ARHGEF11: variants seen among roughly 807,000 people sequenced by gnomAD.
The protein encoded by ARHGEF11 is Rho guanine nucleotide exchange factor 11, also known as Rho guanine exchange factor (GEF) 11.
A neutral mutation model predicts 193.7 loss-of-function variants in ARHGEF11; 55 were observed. The ratio of observed to expected loss-of-function variants is 0.28; its 90% CI spans 0.23 to 0.36. The LOEUF (loss-of-function observed/expected upper bound fraction) is 0.36. Ranked by LOEUF, ARHGEF11 falls within the 10% of genes least tolerant of loss-of-function variation. The pLI, the probability that ARHGEF11 is intolerant of heterozygous loss-of-function variation, is 1.00. For missense variants in ARHGEF11, 1,723 were observed against 2,005.6 expected (o/e 0.86, Z 2.69); for synonymous variants, 693 against 768.0 (o/e 0.90, Z 1.62).
chr1:156,984,003 A>T (rs953505540), intron 3 of ARHGEF11, among the ~76,000 whole-genome samples: 1 of 152,236 alleles, frequency 6.6e-6, no homozygotes, highest in African/African-American at 2.4e-5. Flanking sequence ...GTGGAGGTAA[A>T]TATGAAGAAA....
Position 156,940,122 on chromosome 1 carries a change from A to T in ARHGEF11, c.3733+85T>A, listed in dbSNP as rs909585483. On this transcript the variant is annotated intron_variant, in intron 36 of 40. Transcript: ENST00000368194. ...AGCACACCAGGAAGAGCCTTCGGGA[A>T]GGTGGAGGGTGCAGGCGCCTGCCAG... is the stretch of plus-strand genomic sequence containing the variant. 9 of 1,451,954 alleles carry T rather than the reference A, an allele frequency of 6.2e-6. No individual in the cohort carries two copies. In the African/African-American group the frequency reaches 8.6e-5, roughly 14 times the overall value. 89.9% of individuals were successfully genotyped at this position (1,451,954 alleles called of 1,614,324 possible).
Position 156,939,625 on chromosome 1 carries a change from G to T in ARHGEF11, c.4019C>A (p.Ser1340Tyr). The T allele has an allele frequency of 6.2e-7, 1 of 1,613,710 alleles. No homozygotes were observed. ...AGCCAGATTCCTGTCCAGTTCTGGA[G>T]ACTCCCATATCCCAGAATTTCTGGT... ...PRTRNSGIWE[S>Y]PELDRNLAED... is the part of the protein sequence containing the mutation. The change falls in exon 37 of 41, where the codon TCT becomes TAT. Residue 1340 changes from serine to tyrosine, a missense_variant. Around this residue, in one of 5 missense-constraint regions of ARHGEF11, gnomAD observed 360 missense variants for 344.4 expected, o/e 1.05. Coordinates refer to ENST00000368194, the MANE Select transcript of ARHGEF11 (RefSeq NM_198236.3).
intron 3 of ARHGEF11, among the ~76,000 whole-genome samples, chr1:156,981,912 T>C (rs959274261): frequency 1.6e-4 from 24 of 152,352 alleles, no homozygotes; most frequent in African/African-American, 5.8e-4. Flanking sequence ...GATCATTAAA[T>C]CTTTAAGTTG....
intron 3 of ARHGEF11, among the ~76,000 whole-genome samples, chr1:156,982,138 G>T (rs1664270907): frequency 6.6e-6 from 1 of 151,642 alleles, no homozygotes; most frequent in East Asian, 1.9e-4. Flanking sequence ...AAAGACAACA[G>T]AACTATCTTG....
At chr1:157,035,550 A>C (rs1750803) in intron 1 of ARHGEF11, among the ~76,000 whole-genome samples, 147,913 of 151,850 alleles carry the variant, frequency 0.97, 72,162 homozygotes, top group Middle Eastern at 1. Flanking sequence ...GGATTACAGG[A>C]ATGCACCACC....
In ARHGEF11 at chr1:156,984,432, C is replaced by A. The variant is rs924501161; in HGVS notation, c.130G>T (p.Val44Phe). Residue 44 changes from valine (V) to phenylalanine (F), a missense_variant, in exon 3 of 41, where the codon GTT (valine) becomes TTT (phenylalanine). Val to Phe is a conservative substitution (Grantham distance 50). Transcript: ENST00000368194. ...TTTTGGATAATGACACAGCGTTGAA[C>A]GAGACCTGGAAGGCGGAGAGAAAGG... Reference protein sequence around the residue: ...PSDASETTGLVQRCVIIQKDQ... With the variant: ...PSDASETTGLFQRCVIIQKDQ... 3 of 1,588,424 alleles carry A rather than the reference C, an allele frequency of 1.9e-6. No individual in the cohort carries two copies. Among genetic ancestry groups the A allele is most frequent in the Non-Finnish European group, 1.7e-6 (2 of 1,166,680 alleles).
chr1:157,036,644 T>C (rs1557992840), intron 1 of ARHGEF11, among the ~76,000 whole-genome samples: 1 of 152,078 alleles, frequency 6.6e-6, no homozygotes, highest in East Asian at 1.9e-4. Flanking sequence ...TAAAAAGCTG[T>C]ATTGAAGAGC....
Position 157,028,932 on chromosome 1 carries a change from T to C in ARHGEF11, c.32+15367A>G, listed in dbSNP as rs367634673. On this transcript the variant is annotated intron_variant, in intron 1 of 40. Coordinates refer to ENST00000368194, the MANE Select transcript of ARHGEF11 (RefSeq NM_198236.3). Reference sequence around the variant, plus strand: ...CTGTAATCCCAGCACTTTGGCAGGCTGCAGTGGGTGGAGTGCTTGAGTCCA... The same window carrying C: ...CTGTAATCCCAGCACTTTGGCAGGCCGCAGTGGGTGGAGTGCTTGAGTCCA... Among the ~76,000 whole-genome samples the C allele has an allele frequency of 1.4e-4, 21 of 152,180 alleles. No homozygotes were observed. In the East Asian group the frequency reaches 3.5e-3, roughly 25 times the overall value.
At chr1:156,976,566 T>G (rs908079233) in intron 7 of ARHGEF11, among the ~76,000 whole-genome samples, 5 of 152,212 alleles carry the variant, frequency 3.3e-5, no homozygotes, top group Non-Finnish European at 7.3e-5. Context: ...ATTAATCTTC[T>G]TACTGTTCTC....
At chr1:156,954,380 C>CA (rs559848711) in intron 21 of ARHGEF11, among the ~76,000 whole-genome samples, 1,387 of 75,054 alleles carry the variant, frequency 0.018, 213 homozygotes, top group Middle Eastern at 0.037. Context: ...ACTGTGTCTC[C>CA]AAAAAAAAAA....
intron 13 of ARHGEF11, 40 bp downstream of exon 13, chr1:156,963,163 A>G: frequency 6.7e-7 from 1 of 1,499,564 alleles, no homozygotes; most frequent in Non-Finnish European, 9.3e-7. Context: ...TCTGCCCAGT[A>G]CCAGCAGGCA....
Position 156,944,490 on chromosome 1 carries a change from G to C in ARHGEF11, c.2992-57C>G, listed in dbSNP as rs914348299. On this transcript the variant is annotated intron_variant, in intron 30 of 40. Transcript: ENST00000368194. ...CATTCATTCATTCATTCAAGTGTTT[G>C]AGAGCCTACTGTGTGCCAGACATTG... 2.9e-5 allele frequency: 45 copies of C among 1,554,526 alleles called. No homozygotes were observed. In the Middle Eastern group the frequency reaches 5.2e-4, roughly 18 times the overall value.
At chr1:156,977,708 C>G (rs1234251358) in intron 6 of ARHGEF11, among the ~76,000 whole-genome samples, 1 of 152,220 alleles carries the variant, frequency 6.6e-6, no homozygotes, top group Non-Finnish European at 1.5e-5. Flanking sequence ...GCCACTGCGC[C>G]TAGCCTCTAC....
intron 3 of ARHGEF11, among the ~76,000 whole-genome samples, chr1:156,983,978 A>G (rs954467316): frequency 6.6e-6 from 1 of 152,204 alleles, no homozygotes; most frequent in African/African-American, 2.4e-5. Flanking sequence ...CCATCTGTGC[A>G]CTTAGCCAGG....
chr1:157,005,977 C>T (rs886612847), intron 1 of ARHGEF11, among the ~76,000 whole-genome samples: 1 of 152,194 alleles, frequency 6.6e-6, no homozygotes, highest in African/African-American at 2.4e-5. Context: ...CCTCTGCTGG[C>T]CAGTTGGATG....
intron 21 of ARHGEF11, among the ~76,000 whole-genome samples, chr1:156,953,205 A>G (rs998547909): frequency 6.6e-6 from 1 of 152,240 alleles, no homozygotes; most frequent in African/African-American, 2.4e-5. Context: ...GCATTTTTGG[A>G]GGCCAAGGCA....
At chr1:157,027,830 T>C (rs1362907543) in intron 1 of ARHGEF11, among the ~76,000 whole-genome samples, 1 of 152,192 alleles carries the variant, frequency 6.6e-6, no homozygotes, top group East Asian at 1.9e-4. Context: ...CTTGCGATGC[T>C]TGCTCTGAGA....
At chr1:156,951,738 G>A (rs1659137956) in intron 21 of ARHGEF11, 39 bp from the exon 22 acceptor site, 1 of 1,612,410 alleles carries the variant, frequency 6.2e-7, no homozygotes, top group East Asian at 2.2e-5. Context: ...TAGGCTTGCT[G>A]TTCAGGGATG....
At chr1:156,953,330 T>C (rs1659399476) in intron 21 of ARHGEF11, among the ~76,000 whole-genome samples, 1 of 152,086 alleles carries the variant, frequency 6.6e-6, no homozygotes, top group Non-Finnish European at 1.5e-5. Context: ...CCCCAGCTAC[T>C]TGGAAGGCTG....
Sources: allele counts gnomAD v4.1 joint callset (sites outside exome capture counted in the v4.1 genomes callset), GRCh38; gene constraint gnomAD v4.1.1; regional missense constraint gnomAD v4.1.1; transcripts MANE v1.5; gene names NCBI Gene and HGNC (gene_info 2026-07-23, HGNC 2026-07-21).